Variants in PICK1 observed in about 807,000 individuals in gnomAD.
PICK1 encodes PRKCA-binding protein.
Under a neutral mutation model 48.9 loss-of-function variants are expected in PICK1, and 23 were observed. The observed-to-expected ratio is 0.47, with a 90% CI of 0.34 to 0.67. The LOEUF (loss-of-function observed/expected upper bound fraction) is 0.67, where lower values mean the gene tolerates loss of function less well. Among genes scored for constraint, PICK1 ranks in the 30% least tolerant of loss-of-function variants. The pLI is 0.01. For synonymous variants in PICK1, 217 were observed against 228.2 expected (o/e 0.95, Z 0.44); for missense variants, 423 against 557.1 (o/e 0.76, Z 2.42).
intron 3 of PICK1, among the ~76,000 whole-genome samples, chr22:38,063,745 C>T (rs2085461034): frequency 6.6e-6 from 1 of 151,106 alleles, no homozygotes; most frequent in African/African-American, 2.4e-5. Context: ...CAGGCTCAAG[C>T]GATCCTCCCA....
chr22:38,071,588 G>T, intron 7 of PICK1, 94 bp from the exon 8 acceptor site: 1 of 1,080,466 alleles, frequency 9.3e-7, no homozygotes, highest in Non-Finnish European at 1.4e-6. Context: ...CCTAGCAGAG[G>T]CCTTGGGTGG....
chr22:38,074,584 CCTGGCCTGGGTGGAG>C lies in PICK1; in HGVS notation c.979+142_979+156del. On this transcript the variant is annotated intron_variant, in intron 12 of 12. Transcript: ENST00000356976. This position sits in a 1 kb window ranked among gnomAD's most constrained non-coding sequence, Gnocchi z 4.5. Reference sequence around the variant, plus strand: ...CAGGAGCCCAGCCATCTGCCCAGAGCCTGGCCTGGGTGGAGCTGGCCTGTGCGCGTGGGCTCCGTG... The same window carrying C: ...CAGGAGCCCAGCCATCTGCCCAGAGCCTGGCCTGTGCGCGTGGGCTCCGTG... 1 of 1,320,108 alleles carries C rather than the reference CCTGGCCTGGGTGGAG, an allele frequency of 7.6e-7. No homozygotes were observed. The highest frequency in any genetic ancestry group is 1.1e-6 in the Non-Finnish European group (1 of 938,868). The allele number at this position is 1,320,108 out of a possible 1,614,324, so 81.8% of individuals were successfully genotyped here.
intron 5 of PICK1, chr22:38,067,992 A>G (rs1319959753): frequency 1.5e-6 from 1 of 655,340 alleles, no homozygotes; most frequent in Non-Finnish European, 2.9e-6. Context: ...CTGGTTTCTC[A>G]CTCCCCCGCG....
chr22:38,069,035 T>C lies in PICK1; in HGVS notation c.352T>C (p.Leu118=), dbSNP rs1197812788. ...CAGGTCCTTTGTCCCCCGCTCAGTG[T>C]TGAAGAAAGTCAAGCACCGGCTGGT... ...PKQGMSLDIV[L]KKVKHRLVEN... is the part of the protein sequence containing the mutation. The change falls in exon 6 of 13, where the codon TTG becomes CTG. Residue 118 remains leucine (L), a splice_region_variant and synonymous_variant. Transcript: ENST00000356976. 6.2e-7 allele frequency: 1 copy of C among 1,612,714 alleles called. No individual in the cohort carries two copies. The highest frequency in any genetic ancestry group is 1.7e-5 in the Admixed American group (1 of 59,932).
In PICK1 at chr22:38,073,010, A is replaced by C. The variant is rs752849719; in HGVS notation, c.701A>C (p.Asp234Ala). 2.3e-5 allele frequency: 37 copies of C among 1,612,918 alleles called. No individual in the cohort carries two copies. Among genetic ancestry groups the C allele is most frequent in the Non-Finnish European group, 2.9e-5 (34 of 1,179,102 alleles). The change falls in exon 10 of 13, where the codon GAT (aspartate) becomes GCT (alanine). Residue 234 changes from aspartate (D) to alanine (A), a missense_variant. Physicochemically the swap from Asp to Ala is moderately radical, Grantham distance 126. Around this residue, in one of 2 missense-constraint regions of PICK1, gnomAD observed 279 missense variants for 417.8 expected, o/e 0.67. Transcript: ENST00000356976. This position sits in a 1 kb window ranked among gnomAD's most constrained non-coding sequence, Gnocchi z 5.7. Reference protein sequence around the residue: ...LLKTIKPMLTDLNTYLNKAIP... With the variant: ...LLKTIKPMLTALNTYLNKAIP... The stretch of plus-strand genomic sequence containing the variant: ...CCCACCCTCTTCCAGATGCTGACGG[A>C]TCTGAACACGTACCTCAACAAAGCC...
At chr22:38,071,585 G>A in intron 7 of PICK1, 97 bp from the exon 8 acceptor site, 2 of 1,062,994 alleles carry the variant, frequency 1.9e-6, no homozygotes, top group Non-Finnish European at 1.5e-6. Flanking sequence ...GGGCCTAGCA[G>A]AGGCCTTGGG....
In PICK1 at chr22:38,059,235, G is replaced by A. The variant is rs889163499; in HGVS notation, c.43G>A (p.Gly15Arg). 1.3e-5 allele frequency: 21 copies of A among 1,572,376 alleles called. No homozygotes were observed. Among genetic ancestry groups the A allele is most frequent in the African/African-American group, 1.1e-4 (8 of 73,838 alleles). Residue 15 changes from glycine (G) to arginine (R), a missense_variant and splice_region_variant, in exon 3 of 13, where the codon GGA becomes AGA. By Grantham distance (125) the Gly-to-Arg change is moderately radical. This residue lies in a region of PICK1 where 279 missense variants were observed against 417.8 expected (regional missense o/e 0.67). Transcript: ENST00000356976. ...LDYDIEEDKL[G>R]IPTVPGKVTL... ...AGCCTAGCTTGCTTTCCTTTCTAGC[G>A]GAATCCCGACTGTGCCTGGGAAGGT...
In PICK1 at chr22:38,075,466, G is replaced by C. The variant is rs2085820043; in HGVS notation, c.*334G>C. The C allele has an allele frequency of 3.4e-6, 1 of 291,124 alleles. No homozygotes were observed. The highest frequency in any genetic ancestry group is 6.7e-5 in the South Asian group (1 of 14,898). The allele number at this position is 291,124 out of a possible 1,614,324, so 18.0% of individuals were successfully genotyped here. On this transcript the variant is annotated 3_prime_UTR_variant, in exon 13 of 13. Coordinates refer to ENST00000356976, the MANE Select transcript of PICK1 (RefSeq NM_012407.4). ...TGGAGGTGGCAGGAGTCCGAGCCCT[G>C]CTCCTTGTGGGCGCTCACACTGCCC...
intron 3 of PICK1, among the ~76,000 whole-genome samples, chr22:38,064,483 C>T (rs978155862): frequency 6.6e-6 from 1 of 152,050 alleles, no homozygotes; most frequent in Non-Finnish European, 1.5e-5. Flanking sequence ...TTGATGCCGC[C>T]GGGCACGGTG....
Position 38,073,017 on chromosome 22 carries a change from C to T in PICK1, c.708C>T (p.Asn236=). 6.2e-7 allele frequency: 1 copy of T among 1,613,370 alleles called. No individual in the cohort carries two copies. The highest frequency in any genetic ancestry group is 8.5e-7 in the Non-Finnish European group (1 of 1,179,382). The change falls in exon 10 of 13, where the codon AAC becomes AAT. Residue 236 remains asparagine (N), a synonymous_variant. Coordinates refer to ENST00000356976, the MANE Select transcript of PICK1 (RefSeq NM_012407.4). This position sits in a 1 kb window ranked among gnomAD's most constrained non-coding sequence, Gnocchi z 5.7. ...TCTTCCAGATGCTGACGGATCTGAA[C>T]ACGTACCTCAACAAAGCCATCCCGG... ...KTIKPMLTDL[N]TYLNKAIPDT...
chr22:38,065,883 C>T (rs956206000), intron 4 of PICK1, among the ~76,000 whole-genome samples: 80 of 152,096 alleles, frequency 5.3e-4, no homozygotes, highest in African/African-American at 1.8e-3. Context: ...GGGCAAGGGT[C>T]CCCACTGTGA....
chr22:38,071,059 C>G (rs896113440), intron 7 of PICK1, among the ~76,000 whole-genome samples, 168 bp downstream of exon 7: 2 of 152,158 alleles, frequency 1.3e-5, no homozygotes, highest in Non-Finnish European at 2.9e-5. Flanking sequence ...TTAAAAATAA[C>G]TCAGGGGCCT....
chr22:38,067,217 A>G (rs183274668), intron 4 of PICK1, among the ~76,000 whole-genome samples: 1 of 151,152 alleles, frequency 6.6e-6, no homozygotes, highest in East Asian at 2.0e-4. Flanking sequence ...TTGGATGTAG[A>G]GTAGGAAGGG....
At position 38,074,173 on chromosome 22, in the gene PICK1, T is replaced by A; in HGVS notation, c.835-134T>A. ...TGGTTTTTTCCTCTCTTCAAAGCTA[T>A]CACTGAGTGCTTCTGAGAAACACTG... On this transcript the variant is annotated intron_variant, in intron 11 of 12. Coordinates refer to ENST00000356976, the MANE Select transcript of PICK1 (RefSeq NM_012407.4). This position sits in a 1 kb window ranked among gnomAD's most constrained non-coding sequence, Gnocchi z 4.5. The A allele has an allele frequency of 9.1e-7, 1 of 1,094,928 alleles. No homozygotes were observed. The highest frequency in any genetic ancestry group is 1.3e-6 in the Non-Finnish European group (1 of 744,540). 67.8% of individuals were successfully genotyped at this position (1,094,928 alleles called of 1,614,324 possible).
At chr22:38,067,317 T>C (rs2085552634) in intron 4 of PICK1, among the ~76,000 whole-genome samples, 1 of 148,402 alleles carries the variant, frequency 6.7e-6, no homozygotes, top group Non-Finnish European at 1.5e-5. Flanking sequence ...CTTTTTTTTT[T>C]TTTTTTTTTT....
chr22:38,064,544 C>G (rs186460464), intron 3 of PICK1, among the ~76,000 whole-genome samples: 1 of 152,040 alleles, frequency 6.6e-6, no homozygotes, highest in Non-Finnish European at 1.5e-5. Flanking sequence ...GGTGGATCAC[C>G]TGAGGTCGGG....
At chr22:38,060,343 C>T (rs549256186) in intron 3 of PICK1, among the ~76,000 whole-genome samples, 43 of 152,352 alleles carry the variant, frequency 2.8e-4, no homozygotes, top group Admixed American at 4.6e-4. Flanking sequence ...GGAAGCTGCA[C>T]TGGTGATATT....
At position 38,074,922 on chromosome 22, in the gene PICK1, C is replaced by T. The variant is rs555096792; in HGVS notation, c.1038C>T (p.Asn346=). 35 of 1,613,652 alleles carry T rather than the reference C, an allele frequency of 2.2e-5. No homozygotes were observed. The Middle Eastern group carries it at 4.9e-4, about 23-fold the overall frequency. ...TGTCCACCATGTCCAAGTACTACAACGACTGCTACGCAGTGCTGCGGGATG... is the reference window on the plus strand; with the variant it reads ...TGTCCACCATGTCCAAGTACTACAATGACTGCTACGCAGTGCTGCGGGATG... ...RLVSTMSKYY[N]DCYAVLRDAD... Residue 346 remains asparagine, a synonymous_variant, in exon 13 of 13, where the codon AAC becomes AAT. Transcript: ENST00000356976. This position sits in a 1 kb window ranked among gnomAD's most constrained non-coding sequence, Gnocchi z 4.5.
intron 3 of PICK1, among the ~76,000 whole-genome samples, chr22:38,061,113 G>A (rs2145858972): frequency 6.6e-6 from 1 of 152,120 alleles, no homozygotes; most frequent in African/African-American, 2.4e-5. Flanking sequence ...AGGCTGAGGT[G>A]GGCAGATCAC....
Sources: gnomAD v4.1 joint callset for allele counts (sites outside exome capture counted in the v4.1 genomes callset) on GRCh38, gnomAD v4.1.1 for gene constraint, gnomAD v4.1.1 regional missense constraint, Gnocchi (gnomAD v3.1) non-coding constraint, MANE v1.5 for transcripts, NCBI Gene and HGNC (gene_info 2026-07-23, HGNC 2026-07-21) for gene names.